The following DCAF17 variants were observed in gnomAD, a reference collection of about 807,000 sequenced individuals.
The protein encoded by DCAF17 is DDB1- and CUL4-associated factor 17.
DCAF17 carries 48 observed loss-of-function variants against 66.0 expected under a neutral mutation model. The ratio of observed to expected loss-of-function variants is 0.73; its 90% CI spans 0.58 to 0.92. The LOEUF is 0.92. Ranked by LOEUF, DCAF17 falls within the 40% of genes least tolerant of loss-of-function variation. DCAF17 has a pLI of 0.00. For synonymous variants in DCAF17, 206 were observed against 214.6 expected, an observed-to-expected ratio of 0.96 and a Z score of 0.35; for missense variants, 562 against 622.8, an observed-to-expected ratio of 0.90 and a Z score of 1.04.
In DCAF17 at chr2:171,443,527, G is replaced by A. The variant is rs1694437221; in HGVS notation, c.235G>A (p.Ala79Thr). Residue 79 changes from alanine (A) to threonine (T), a missense_variant, in exon 3 of 14, where the codon GCA becomes ACA. Physicochemically the swap from Ala to Thr is moderately conservative, Grantham distance 58. Coordinates refer to ENST00000375255, the MANE Select transcript of DCAF17 (RefSeq NM_025000.4). ...TTTATTTTTCTTTTTTCCCAGTGTT[G>A]CATCTGAGCCAAGAAAACTTTATGA... ...DNYRRCVSSV[A>T]SEPRKLYEMP... 6.2e-7 allele frequency: 1 copy of A among 1,611,184 alleles called. No homozygotes were observed. The highest frequency in any genetic ancestry group is 1.7e-5 in the Admixed American group (1 of 59,954).
rs1559299389 is a variant in DCAF17 at position 171,483,834 on chromosome 2, A to G, written c.*2720A>G. 2 of 454,070 alleles carry G rather than the reference A, an allele frequency of 4.4e-6. No individual in the cohort carries two copies. Among genetic ancestry groups the G allele is most frequent in the Admixed American group, 4.7e-5 (2 of 42,564 alleles). 28.1% of individuals were successfully genotyped at this position (454,070 alleles called of 1,614,324 possible). A position where few individuals can be genotyped will look rare whatever the true frequency, so the allele number is the denominator to read the frequency against. Reference sequence around the variant, plus strand: ...CAGAAGTTAATTGGCCCAGGGTCCCACAACTAGTCAGTGCAGAGGTGGGAA... The same window carrying G: ...CAGAAGTTAATTGGCCCAGGGTCCCGCAACTAGTCAGTGCAGAGGTGGGAA... On this transcript the variant is annotated 3_prime_UTR_variant, in exon 14 of 14. Transcript: ENST00000375255.
At chr2:171,472,219 G>A (rs570407510) in intron 9 of DCAF17, among the ~76,000 whole-genome samples, 2 of 152,022 alleles carry the variant, frequency 1.3e-5, no homozygotes, top group African/African-American at 4.8e-5. Flanking sequence ...TTACTCTGTT[G>A]CCCAGGCTGG....
intron 2 of DCAF17, among the ~76,000 whole-genome samples, chr2:171,436,954 G>A (rs898394445): frequency 4.6e-5 from 7 of 151,602 alleles, no homozygotes; most frequent in Non-Finnish European, 5.9e-5. Flanking sequence ...TTGTATTTTT[G>A]GTAGAGACCG....
At position 171,476,875 on chromosome 2, in the gene DCAF17, T is replaced by C. The variant is rs1696522215; in HGVS notation, c.1107T>C (p.Thr369=). 6.2e-7 allele frequency: 1 copy of C among 1,613,426 alleles called. No homozygotes were observed. The change falls in exon 11 of 14, where the codon ACT becomes ACC. Residue 369 remains threonine, a synonymous_variant. Transcript: ENST00000375255. The stretch of plus-strand genomic sequence containing the variant: ...CCCTTCTCAGAGTTTTGAAGCTAAC[T>C]GAAATAGAAAATAATAGTTCTCAGC... ...GPNQVKVLKL[T]EIENNSSQHQ...
intron 2 of DCAF17, among the ~76,000 whole-genome samples, chr2:171,438,051 C>T (rs918245318): frequency 6.6e-6 from 1 of 152,164 alleles, no homozygotes; most frequent in Non-Finnish European, 1.5e-5. Context: ...AATGTTGATA[C>T]GTTGTATGTG....
At chr2:171,440,344 C>T (rs1408267426) in intron 2 of DCAF17, among the ~76,000 whole-genome samples, 2 of 152,116 alleles carry the variant, frequency 1.3e-5, no homozygotes, top group African/African-American at 4.8e-5. Context: ...TGGAGGCCAA[C>T]GTCTGGGGTT....
At chr2:171,436,147 A>G (rs1477189661) in intron 2 of DCAF17, among the ~76,000 whole-genome samples, 1 of 152,262 alleles carries the variant, frequency 6.6e-6, no homozygotes, top group Non-Finnish European at 1.5e-5. Flanking sequence ...ATGTTGTCAC[A>G]TGCATCAGAA....
intron 8 of DCAF17, among the ~76,000 whole-genome samples, chr2:171,461,868 T>G (rs1003765613): frequency 6.6e-6 from 1 of 152,200 alleles, no homozygotes; most frequent in African/African-American, 2.4e-5. Context: ...CACAGTAGAT[T>G]AAATTTATAT....
rs1391207996 is a variant in DCAF17, at chr2:171,457,995, A to G, written c.652A>G (p.Thr218Ala). ...KKIFGNVTDA[T>A]LSHGILIVMY... ...GATTTTTGGGAACGTTACAGATGCT[A>G]CCTTGTCTCATGGAATACTGATTGT... Residue 218 changes from threonine to alanine, a missense_variant, in exon 7 of 14, where the codon ACC becomes GCC. Physicochemically the swap from Thr to Ala is moderately conservative, Grantham distance 58. Transcript: ENST00000375255. 23 of 1,613,966 alleles carry G rather than the reference A, an allele frequency of 1.4e-5. No homozygotes were observed. In the East Asian group the frequency reaches 1.8e-4, roughly 13 times the overall value.
At chr2:171,459,803 T>C (rs1227844276) in intron 8 of DCAF17, among the ~76,000 whole-genome samples, 1 of 152,196 alleles carries the variant, frequency 6.6e-6, no homozygotes, top group African/African-American at 2.4e-5. Flanking sequence ...AAAATAAATA[T>C]TTTAAAAATT....
At chr2:171,435,380 G>GT (rs1318718993) in intron 2 of DCAF17, among the ~76,000 whole-genome samples, 194 bp downstream of exon 2, 1 of 152,114 alleles carries the variant, frequency 6.6e-6, no homozygotes, top group Admixed American at 6.5e-5. Flanking sequence ...TGTCATTTTT[G>GT]TAAATACCAA....
At chr2:171,462,350 G>T (rs1249593004) in intron 8 of DCAF17, among the ~76,000 whole-genome samples, 1 of 152,144 alleles carries the variant, frequency 6.6e-6, no homozygotes, top group Admixed American at 6.5e-5. Flanking sequence ...TCCTTAATAT[G>T]TGAAGGGTTC....
chr2:171,438,921 T>A (rs1694128765), intron 2 of DCAF17, among the ~76,000 whole-genome samples: 1 of 151,836 alleles, frequency 6.6e-6, no homozygotes, highest in African/African-American at 2.4e-5. Flanking sequence ...GAGATAGGGG[T>A]CTCAGTCGTG....
At chr2:171,446,848 T>A (rs1694653500) in intron 3 of DCAF17, among the ~76,000 whole-genome samples, 1 of 152,168 alleles carries the variant, frequency 6.6e-6, no homozygotes. Flanking sequence ...TTATGAAATT[T>A]TAATAAGATG....
At chr2:171,434,743 G>A (rs1284221086) in intron 1 of DCAF17, 40 bp downstream of exon 1, 6 of 1,393,110 alleles carry the variant, frequency 4.3e-6, no homozygotes, top group Admixed American at 7.3e-5. Flanking sequence ...AGGGCCGCGG[G>A]CGCGCGGCGG....
chr2:171,471,746 G>A (rs1428775531), intron 9 of DCAF17, among the ~76,000 whole-genome samples: 1 of 152,170 alleles, frequency 6.6e-6, no homozygotes, highest in Non-Finnish European at 1.5e-5. Context: ...CAGGCACAGT[G>A]GCTCATGCCT....
chr2:171,473,716 T>G (rs976396145), intron 9 of DCAF17, 150 bp from the exon 10 acceptor site: 1 of 670,152 alleles, frequency 1.5e-6, no homozygotes, highest in African/African-American at 1.8e-5. Flanking sequence ...TTGCATGTCC[T>G]CATTTGGCCC....
At chr2:171,458,129 G>T in intron 7 of DCAF17, 54 bp downstream of exon 7, 1 of 1,500,852 alleles carries the variant, frequency 6.7e-7, no homozygotes. Context: ...TTCGACTAAA[G>T]TATGATTTTT....
intron 2 of DCAF17, among the ~76,000 whole-genome samples, chr2:171,437,307 G>A (rs1210364340): frequency 6.6e-6 from 1 of 152,018 alleles, no homozygotes. Flanking sequence ...TTAACATGCA[G>A]CTATACATTT....
Sources: gnomAD v4.1 joint callset for allele counts (sites outside exome capture counted in the v4.1 genomes callset) on GRCh38, gnomAD v4.1.1 for gene constraint, MANE v1.5 for transcripts, NCBI Gene and HGNC (gene_info 2026-07-23, HGNC 2026-07-21) for gene names.